SPATA18: variants seen among roughly 807,000 people sequenced by gnomAD.
SPATA18 encodes spermatogenesis associated 18, also known as mitochondria-eating protein.
SPATA18 carries 54 observed loss-of-function variants against 68.1 expected under a neutral mutation model. The observed-to-expected ratio is 0.79, with a 90% CI of 0.64 to 0.99. The LOEUF is 0.99. SPATA18 is among the 50% of genes least tolerant of loss of function. The probability of loss-of-function intolerance (pLI) is 0.00; values close to 1 mark genes in which losing one functional copy is unlikely to be tolerated. For synonymous variants in SPATA18, 242 were observed against 244.8 expected, an observed-to-expected ratio of 0.99 and a Z score of 0.11; for missense variants, 724 against 681.1, an observed-to-expected ratio of 1.06 and a Z score of -0.70.
rs372067065 is a variant in SPATA18 at position 52,091,997 on chromosome 4, A to T, written c.1564-2530A>T. Among the ~76,000 whole-genome samples the T allele has an allele frequency of 1.3e-3, 196 of 152,284 alleles. 8 individuals carry two copies. The South Asian group carries it at 0.038, about 30-fold the overall frequency. ...TTTGAACTTCCTAGCAGCTTTGTTT[A>T]CACTGTGGCTGTAAAACCGCCTACT... On this transcript the variant is annotated intron_variant, in intron 11 of 12. Coordinates refer to ENST00000295213, the MANE Select transcript of SPATA18 (RefSeq NM_145263.4).
chr4:52,052,434 T>C (rs1228586146), intron 1 of SPATA18, among the ~76,000 whole-genome samples: 1 of 152,116 alleles, frequency 6.6e-6, no homozygotes, highest in African/African-American at 2.4e-5. Flanking sequence ...CATGAGCACT[T>C]TTCAAATCTC....
intron 10 of SPATA18, 35 bp downstream of exon 10, chr4:52,082,545 A>C: frequency 6.2e-7 from 1 of 1,613,858 alleles, no homozygotes; most frequent in Non-Finnish European, 8.5e-7. Flanking sequence ...ATTCATCCCA[A>C]GTGTTTGATT....
At chr4:52,059,652 T>C (rs1056038243) in intron 1 of SPATA18, among the ~76,000 whole-genome samples, 1 of 152,242 alleles carries the variant, frequency 6.6e-6, no homozygotes, top group African/African-American at 2.4e-5. Context: ...GGGTAGAGCT[T>C]GCGCTCATCT....
At chr4:52,091,334 G>A (rs1741927946) in intron 11 of SPATA18, among the ~76,000 whole-genome samples, 1 of 152,012 alleles carries the variant, frequency 6.6e-6, no homozygotes, top group Non-Finnish European at 1.5e-5. Context: ...TCCCTTGCTG[G>A]CTATGAGTTG....
At chr4:52,063,210 C>T (rs1255193577) in intron 4 of SPATA18, among the ~76,000 whole-genome samples, 2 of 152,162 alleles carry the variant, frequency 1.3e-5, no homozygotes, top group African/African-American at 4.8e-5. Flanking sequence ...GGTGCTCTGC[C>T]TTGTTCCCTG....
chr4:52,082,487 G>A lies in SPATA18; in HGVS notation c.1456G>A (p.Ala486Thr). Residue 486 changes from alanine (A) to threonine (T), a missense_variant, in exon 10 of 13, where the codon GCT becomes ACT. Transcript: ENST00000295213. ...ENDCVIMKGE[A>T]VTRRGAFWNS... is the part of the protein sequence containing the mutation. ...TGACTGTGTCATTATGAAGGGAGAA[G>A]CTGTCACCAGGAGAGGGGCTTTTGT... 6.2e-7 allele frequency: 1 copy of A among 1,614,168 alleles called. No individual in the cohort carries two copies. Among genetic ancestry groups the A allele is most frequent in the Non-Finnish European group, 8.5e-7 (1 of 1,180,004 alleles).
intron 11 of SPATA18, among the ~76,000 whole-genome samples, chr4:52,092,401 G>A (rs537857692): frequency 3.2e-4 from 49 of 152,322 alleles, no homozygotes; most frequent in African/African-American, 8.7e-4. Context: ...TGGGACAAGC[G>A]CAGCATCTGT....
rs1401174970 is a variant in SPATA18 at position 52,064,139 on chromosome 4, C to A, written c.422+1807C>A. On this transcript the variant is annotated intron_variant, in intron 4 of 12. Transcript: ENST00000295213. ...ACATTTCCATATGCCCTTTCATATGCCTTTTGCCCTATATGCTTTATCACG... is the reference window on the plus strand; with the variant it reads ...ACATTTCCATATGCCCTTTCATATGACTTTTGCCCTATATGCTTTATCACG... Among the ~76,000 whole-genome samples the A allele has an allele frequency of 4.0e-5, 6 of 151,624 alleles. No individual in the cohort carries two copies. In the East Asian group the frequency reaches 1.2e-3, roughly 30 times the overall value.
At chr4:52,088,536 T>G (rs1350826073) in intron 11 of SPATA18, among the ~76,000 whole-genome samples, 2 of 152,248 alleles carry the variant, frequency 1.3e-5, no homozygotes, top group African/African-American at 4.8e-5. Flanking sequence ...TCTATTAAGA[T>G]AATCATGTGG....
intron 1 of SPATA18, among the ~76,000 whole-genome samples, chr4:52,057,538 C>T (rs565120253): frequency 3.8e-4 from 58 of 152,120 alleles, no homozygotes; most frequent in Non-Finnish European, 7.8e-4. Context: ...CCAGTATGTA[C>T]CAGGCACTGG....
At chr4:52,078,609 A>G in intron 7 of SPATA18, 126 bp from the exon 8 acceptor site, 1 of 793,286 alleles carries the variant, frequency 1.3e-6, no homozygotes, top group Non-Finnish European at 1.9e-6. Context: ...AATGTTTTTG[A>G]TCAACTGTGT....
At chr4:52,070,086 T>C (rs1037243581) in intron 5 of SPATA18, among the ~76,000 whole-genome samples, 170 bp downstream of exon 5, 1 of 151,214 alleles carries the variant, frequency 6.6e-6, no homozygotes, top group African/African-American at 2.4e-5. Context: ...TTATCTACTA[T>C]AGAAAACTTC....
intron 1 of SPATA18, among the ~76,000 whole-genome samples, chr4:52,057,956 G>C (rs1189314637): frequency 6.6e-6 from 1 of 152,242 alleles, no homozygotes; most frequent in African/African-American, 2.4e-5. Flanking sequence ...AAGCAGCAGA[G>C]CTGAGATACT....
intron 4 of SPATA18, among the ~76,000 whole-genome samples, chr4:52,069,439 A>G (rs1458131554): frequency 2.0e-5 from 3 of 152,322 alleles, no homozygotes; most frequent in Non-Finnish European, 4.4e-5. Context: ...CGATGTTGGT[A>G]TATTATAGAA....
chr4:52,095,040 G>C lies in SPATA18; in HGVS notation c.*153G>C, dbSNP rs1057084069. On this transcript the variant is annotated 3_prime_UTR_variant, in exon 13 of 13. Coordinates refer to ENST00000295213, the MANE Select transcript of SPATA18 (RefSeq NM_145263.4). ...CCCACACAGAGAGTTAAATGTTTTG[G>C]CTTGGCGCATTTGTAACTTTAGATA... is the stretch of plus-strand genomic sequence containing the variant. 3.5e-6 allele frequency: 3 copies of C among 857,312 alleles called. No homozygotes were observed. The highest frequency in any genetic ancestry group is 5.7e-6 in the Non-Finnish European group (3 of 529,948). 53.1% of individuals were successfully genotyped at this position (857,312 alleles called of 1,614,324 possible).
At chr4:52,090,037 C>G (rs1005834658) in intron 11 of SPATA18, among the ~76,000 whole-genome samples, 2 of 152,106 alleles carry the variant, frequency 1.3e-5, no homozygotes, top group African/African-American at 2.4e-5. Context: ...TTATGTAATG[C>G]CCTTCTTTGC....
intron 1 of SPATA18, among the ~76,000 whole-genome samples, chr4:52,058,612 G>A (rs13147207): frequency 0.43 from 65,573 of 152,012 alleles, 16,734 homozygotes; most frequent in Non-Finnish European, 0.57. Context: ...TTTCCCTAGT[G>A]GTGTGCTTCC....
intron 4 of SPATA18, among the ~76,000 whole-genome samples, chr4:52,062,593 G>A (rs1738969945): frequency 6.6e-6 from 1 of 152,030 alleles, no homozygotes; most frequent in Middle Eastern, 3.2e-3. Context: ...CTTCTTTGGA[G>A]TTCCTTCTTC....
At chr4:52,060,931 G>A in intron 3 of SPATA18, 34 bp downstream of exon 3, 4 of 1,550,466 alleles carry the variant, frequency 2.6e-6, no homozygotes, top group Non-Finnish European at 3.6e-6. Flanking sequence ...TTGACTTTCT[G>A]AACAGTGAGA....
Sources: gnomAD v4.1 joint callset for allele counts (sites outside exome capture counted in the v4.1 genomes callset) on GRCh38, gnomAD v4.1.1 for gene constraint, MANE v1.5 for transcripts, NCBI Gene and HGNC (gene_info 2026-07-23, HGNC 2026-07-21) for gene names.